CIBAR1: variants seen among roughly 807,000 people sequenced by gnomAD.
CIBAR1 encodes the protein CBY1 interacting BAR domain containing 1.
A neutral mutation model predicts 44.0 loss-of-function variants in CIBAR1; 25 were observed. The ratio of observed to expected loss-of-function variants is 0.57; its 90% CI spans 0.41 to 0.79. The LOEUF (loss-of-function observed/expected upper bound fraction) is 0.79, where lower values mean the gene tolerates loss of function less well. Among genes scored for constraint, CIBAR1 ranks in the 30% least tolerant of loss-of-function variants. CIBAR1 has a pLI of 0.00. For missense variants in CIBAR1, 278 were observed against 344.8 expected (o/e 0.81, Z 1.53); for synonymous variants, 115 against 119.0 (o/e 0.97, Z 0.22).
chr8:93,721,600 T>C (rs1227760906), intron 7 of CIBAR1, among the ~76,000 whole-genome samples: 8 of 152,322 alleles, frequency 5.3e-5, no homozygotes, highest in African/African-American at 1.7e-4. Context: ...GCTCTTCAGC[T>C]TCCTCCTTTC....
rs1422925647 is a variant in CIBAR1, at chr8:93,728,064, T to A, written c.778-141T>A. ...TTCTGAGCTTAAAATTCATAGGGAATTTTCACTACTAAAAATTATGACATG... is the reference window on the plus strand; with the variant it reads ...TTCTGAGCTTAAAATTCATAGGGAAATTTCACTACTAAAAATTATGACATG... On this transcript the variant is annotated intron_variant, in intron 8 of 8. Transcript: ENST00000518322. The A allele has an allele frequency of 1.1e-5, 5 of 475,748 alleles. No homozygotes were observed. In the South Asian group the frequency reaches 2.9e-4, roughly 27 times the overall value. The allele number at this position is 475,748 out of a possible 1,614,324, so 29.5% of individuals were successfully genotyped here.
chr8:93,727,738 A>C (rs987888719), intron 8 of CIBAR1, among the ~76,000 whole-genome samples: 4 of 152,200 alleles, frequency 2.6e-5, no homozygotes, highest in African/African-American at 9.6e-5. Flanking sequence ...AATATGCCCC[A>C]CGTGGCGGCA....
chr8:93,711,876 G>A (rs1810836767), intron 6 of CIBAR1, among the ~76,000 whole-genome samples: 1 of 152,178 alleles, frequency 6.6e-6, no homozygotes, highest in Non-Finnish European at 1.5e-5. Flanking sequence ...ACCCCACAGA[G>A]AAAGTGAGTG....
At chr8:93,727,924 A>G (rs1015049899) in intron 8 of CIBAR1, among the ~76,000 whole-genome samples, 8 of 151,742 alleles carry the variant, frequency 5.3e-5, no homozygotes, top group African/African-American at 1.9e-4. Flanking sequence ...TTTAATATTC[A>G]TAATATAGAG....
At chr8:93,727,911 A>AT (rs1315745096) in intron 8 of CIBAR1, among the ~76,000 whole-genome samples, 1 of 151,888 alleles carries the variant, frequency 6.6e-6, no homozygotes, top group Non-Finnish European at 1.5e-5. Flanking sequence ...CCCAAAATTT[A>AT]TTTTTAATAT....
At chr8:93,718,549 T>C (rs952846802) in intron 6 of CIBAR1, 126 bp from the exon 7 acceptor site, 14 of 492,952 alleles carry the variant, frequency 2.8e-5, no homozygotes, top group African/African-American at 2.3e-4. Flanking sequence ...GTACTTTATT[T>C]ACCCTATAGA....
chr8:93,717,522 A>G (rs770483389), intron 6 of CIBAR1, among the ~76,000 whole-genome samples: 3 of 152,184 alleles, frequency 2.0e-5, no homozygotes, highest in Non-Finnish European at 2.9e-5. Context: ...AGACTGACGT[A>G]TATCACTGAG....
intron 2 of CIBAR1, 89 bp downstream of exon 2, chr8:93,701,547 C>G (rs1810358150): frequency 9.1e-7 from 1 of 1,099,072 alleles, no homozygotes; most frequent in East Asian, 2.6e-5. Flanking sequence ...TGTAATCTAC[C>G]TAACTGCAGA....
At position 93,728,184 on chromosome 8, in the gene CIBAR1, AAG is replaced by A; in HGVS notation, c.778-20_778-19del. On this transcript the variant is annotated intron_variant, in intron 8 of 8. Transcript: ENST00000518322. ...TTTAAGTTAGTATTTTTATTTTAAAAAGTGTGTTAACTTTTAACAGGTATCCA... is the reference window on the plus strand; with the variant it reads ...TTTAAGTTAGTATTTTTATTTTAAAATGTGTTAACTTTTAACAGGTATCCA... 1 of 1,451,064 alleles carries A rather than the reference AAG, an allele frequency of 6.9e-7. No homozygotes were observed. Among genetic ancestry groups the A allele is most frequent in the South Asian group, 1.5e-5 (1 of 66,234 alleles). 89.9% of individuals were successfully genotyped at this position (1,451,064 alleles called of 1,614,324 possible).
intron 7 of CIBAR1, chr8:93,725,698 G>GT (rs1462396164): frequency 6.6e-6 from 1 of 152,030 alleles, no homozygotes; most frequent in Non-Finnish European, 1.5e-5. Flanking sequence ...TGAAGTTTTG[G>GT]TTAAAGGAAA....
Position 93,728,910 on chromosome 8 carries a change from AC to A in CIBAR1, c.*614del, listed in dbSNP as rs1811674600. On this transcript the variant is annotated 3_prime_UTR_variant, in exon 9 of 9. Coordinates refer to ENST00000518322, the MANE Select transcript of CIBAR1 (RefSeq NM_145269.5). ...CATTCAATCTGACTCTGGTTTTAAA[AC>A]AAAACTGCTGTCATAATTATACATG... 6.6e-6 allele frequency: 1 copy of A among 152,106 alleles called. No homozygotes were observed. The allele number at this position is 152,106 out of a possible 1,614,324, so 9.4% of individuals were successfully genotyped here. A position where few individuals can be genotyped will look rare whatever the true frequency, so the allele number is the denominator to read the frequency against.
intron 6 of CIBAR1, among the ~76,000 whole-genome samples, chr8:93,714,964 G>A (rs1015069833): frequency 3.7e-4 from 57 of 152,176 alleles, no homozygotes; most frequent in African/African-American, 1.2e-3. Flanking sequence ...TTCTGATAAG[G>A]GCAGAGTTTG....
At chr8:93,708,603 G>A (rs1021345398) in intron 5 of CIBAR1, among the ~76,000 whole-genome samples, 1 of 152,156 alleles carries the variant, frequency 6.6e-6, no homozygotes, top group African/African-American at 2.4e-5. Flanking sequence ...TTAGTTACTA[G>A]TGTATTTATT....
chr8:93,700,882 C>G (rs1337000488), intron 1 of CIBAR1: 2 of 1,309,874 alleles, frequency 1.5e-6, no homozygotes, highest in Non-Finnish European at 1.9e-6. Flanking sequence ...GGCTGCCACC[C>G]ACCCACGCCA....
In CIBAR1 at chr8:93,726,180, T is replaced by C. The variant is rs1410192981; in HGVS notation, c.658-214T>C. ...TTTCATGACTAATTACTGTTTAATATCTGTCATCATCTTACATAGTTCAAA... is the reference window on the plus strand; with the variant it reads ...TTTCATGACTAATTACTGTTTAATACCTGTCATCATCTTACATAGTTCAAA... On this transcript the variant is annotated intron_variant, in intron 7 of 8. Coordinates refer to ENST00000518322, the MANE Select transcript of CIBAR1 (RefSeq NM_145269.5). 5 of 417,650 alleles carry C rather than the reference T, an allele frequency of 1.2e-5. No homozygotes were observed. In the Admixed American group the frequency reaches 2.0e-4, roughly 17 times the overall value. 25.9% of individuals were successfully genotyped at this position (417,650 alleles called of 1,614,324 possible).
rs75895249 is a variant in CIBAR1, at chr8:93,713,652, T to G, written c.543+3777T>G. On this transcript the variant is annotated intron_variant, in intron 6 of 8. Coordinates refer to ENST00000518322, the MANE Select transcript of CIBAR1 (RefSeq NM_145269.5). ...TGTCTTTGATCCATTTGAATTAATT[T>G]TTATATATGGTTAAATTTTGTAAAG... 6.8e-3 allele frequency among the ~76,000 whole-genome samples: 1,030 copies of G among 152,348 alleles called. 11 individuals are homozygous for G. Among genetic ancestry groups the G allele is most frequent in the Middle Eastern group, 0.031 (9 of 294 alleles).
In CIBAR1 at chr8:93,704,966, T is replaced by C; in HGVS notation, c.388T>C (p.Leu130=). 1 of 1,612,784 alleles carries C rather than the reference T, an allele frequency of 6.2e-7. No homozygotes were observed. The highest frequency in any genetic ancestry group is 8.5e-7 in the Non-Finnish European group (1 of 1,179,420). ...RNREAKQLTQ[L]ERTRQRNPSD... is the part of the protein sequence containing the mutation. ...TCGAGAAGCTAAGCAATTAACTCAG[T>C]TAGAAAGAACACGTCAGCGAAACCC... The change falls in exon 4 of 9, where the codon TTA becomes CTA. Residue 130 remains leucine (L), a synonymous_variant. Coordinates refer to ENST00000518322, the MANE Select transcript of CIBAR1 (RefSeq NM_145269.5).
chr8:93,727,293 ATTTATTTTGTT>A, intron 8 of CIBAR1: 1 of 960,910 alleles, frequency 1.0e-6, no homozygotes, highest in Non-Finnish European at 1.4e-6. Flanking sequence ...TCCTGTAAGC[ATTTATTTTGTT>A]TTATATGTAT....
At position 93,718,554 on chromosome 8, in the gene CIBAR1, TATAGAAAA is replaced by T; in HGVS notation, c.544-119_544-112del. The stretch of plus-strand genomic sequence containing the variant: ...GTTATCTTTTGTACTTTATTTACCC[TATAGAAAA>T]ACAGATACTTCTGTATTTTATAAAA... On this transcript the variant is annotated intron_variant, in intron 6 of 8. Coordinates refer to ENST00000518322, the MANE Select transcript of CIBAR1 (RefSeq NM_145269.5). 3 of 517,272 alleles carry T rather than the reference TATAGAAAA, an allele frequency of 5.8e-6. 1 individual carries two copies. In the South Asian group the frequency reaches 1.4e-4, roughly 24 times the overall value. 32.0% of individuals were successfully genotyped at this position (517,272 alleles called of 1,614,324 possible). A position where few individuals can be genotyped will look rare whatever the true frequency, so the allele number is the denominator to read the frequency against.
Sources: gnomAD v4.1 joint callset for allele counts (sites outside exome capture counted in the v4.1 genomes callset) on GRCh38, gnomAD v4.1.1 for gene constraint, MANE v1.5 for transcripts, NCBI Gene and HGNC (gene_info 2026-07-23, HGNC 2026-07-21) for gene names.